The following GALK2 variants were observed in gnomAD, a reference collection of about 807,000 sequenced individuals.
GALK2 encodes N-acetylgalactosamine kinase.
A neutral mutation model predicts 52.4 loss-of-function variants in GALK2; 36 were observed. The observed-to-expected ratio is 0.69, with a 90% confidence interval of 0.53 to 0.91. The LOEUF (loss-of-function observed/expected upper bound fraction) is 0.91, where lower values mean the gene tolerates loss of function less well. Ranked by LOEUF, GALK2 falls within the 40% of genes least tolerant of loss-of-function variation. The pLI is 0.00. For missense variants in GALK2, 579 were observed against 559.1 expected (o/e 1.04, Z -0.36); for synonymous variants, 176 against 199.1 (o/e 0.88, Z 0.98).
At chr15:49,204,813 C>T (rs923974452) in intron 2 of GALK2, among the ~76,000 whole-genome samples, 1 of 152,112 alleles carries the variant, frequency 6.6e-6, no homozygotes, top group Non-Finnish European at 1.5e-5. Flanking sequence ...AAGCAGCATA[C>T]ACTGCACTGT....
At chr15:49,302,398 G>A (rs905026701) in intron 8 of GALK2, among the ~76,000 whole-genome samples, 2 of 152,054 alleles carry the variant, frequency 1.3e-5, no homozygotes, top group African/African-American at 4.8e-5. Flanking sequence ...CTTTATTTAA[G>A]GAACAACTCA....
At chr15:49,174,734 T>G (rs1327422048) in intron 1 of GALK2, among the ~76,000 whole-genome samples, 2 of 152,064 alleles carry the variant, frequency 1.3e-5, no homozygotes, top group African/African-American at 4.8e-5. Context: ...TCTATATATA[T>G]TATAAATATA....
chr15:49,180,282 A>C (rs946446724), intron 1 of GALK2, among the ~76,000 whole-genome samples: 1 of 152,218 alleles, frequency 6.6e-6, no homozygotes, highest in Admixed American at 6.5e-5. Flanking sequence ...TATGATTTTC[A>C]CAGGCAGAAA....
At chr15:49,288,371 A>G (rs1273247293) in intron 7 of GALK2, among the ~76,000 whole-genome samples, 2 of 152,178 alleles carry the variant, frequency 1.3e-5, no homozygotes, top group African/African-American at 4.8e-5. Context: ...TGTTCCTTTG[A>G]CACTTCAAGG....
chr15:49,326,966 T>C (rs1470810951), intron 9 of GALK2: 2 of 152,216 alleles, frequency 1.3e-5, no homozygotes, highest in Non-Finnish European at 2.9e-5. Context: ...AAAATTGTGC[T>C]AAATTAATCA....
At chr15:49,260,031 C>A (rs2092023101) in intron 5 of GALK2, among the ~76,000 whole-genome samples, 1 of 151,314 alleles carries the variant, frequency 6.6e-6, no homozygotes, top group African/African-American at 2.4e-5. Context: ...AATAGTGCCG[C>A]AATAAACATA....
intron 1 of GALK2, chr15:49,156,785 T>A (rs2084470620): frequency 3.3e-6 from 2 of 614,250 alleles, no homozygotes; most frequent in Non-Finnish European, 5.5e-6. Context: ...CCTTCTTAAA[T>A]ATTTTGTTAC....
At chr15:49,367,257 C>G (rs914840376) in intron 3 of GALK2, among the ~76,000 whole-genome samples, 2 of 152,104 alleles carry the variant, frequency 1.3e-5, no homozygotes, top group African/African-American at 4.8e-5. Flanking sequence ...CATGCAAAAT[C>G]ATAGCATTAG....
At chr15:49,191,323 G>GTC (rs371849077) in intron 1 of GALK2, among the ~76,000 whole-genome samples, 10 of 151,352 alleles carry the variant, frequency 6.6e-5, no homozygotes, top group Non-Finnish European at 1.2e-4. Flanking sequence ...TTTGGCTATT[G>GTC]TCTCTCTCTC....
At chr15:49,200,670 C>T (rs1595631436) in intron 1 of GALK2, among the ~76,000 whole-genome samples, 2 of 152,198 alleles carry the variant, frequency 1.3e-5, no homozygotes, top group African/African-American at 2.4e-5. Flanking sequence ...AGAGGTACTA[C>T]TGACCTCTGG....
chr15:49,259,883 A>T (rs574325372), intron 5 of GALK2, among the ~76,000 whole-genome samples: 11 of 151,858 alleles, frequency 7.2e-5, no homozygotes, highest in African/African-American at 2.4e-4. Flanking sequence ...TTCCAGTTTC[A>T]TCCACGTCCC....
intron 5 of GALK2, among the ~76,000 whole-genome samples, chr15:49,264,953 C>G (rs974675384): frequency 1.1e-4 from 16 of 152,094 alleles, no homozygotes; most frequent in Non-Finnish European, 2.1e-4. Context: ...CAGAGGAGTA[C>G]CCAGCCGTGT....
rs114440002 is a variant in GALK2 at position 49,361,545 on chromosome 15, G to A, written c.427-5946G>A. ...AGTTCACTTAGGTTAATGGCCTCCA[G>A]CTCCATTCATATTGCTGCAAAGGAC... On this transcript the variant is annotated intron_variant, in intron 3 of 3. Transcript: ENST00000558399. Among the ~76,000 whole-genome samples the A allele has an allele frequency of 5.6e-3, 859 of 152,154 alleles. 7 individuals are homozygous for A. The highest frequency in any genetic ancestry group is 0.02 in the African/African-American group (819 of 41,502).
chr15:49,217,175 TTC>T lies in GALK2; in HGVS notation c.143-11_143-10del. The T allele has an allele frequency of 6.3e-7, 1 of 1,599,718 alleles. No individual in the cohort carries two copies. Among genetic ancestry groups the T allele is most frequent in the Non-Finnish European group, 8.5e-7 (1 of 1,171,166 alleles). ...TATATTAGCAATGATTAAAAAAGCT[TTC>T]TCTTTTTTCTAGGAGAGCATATAGA... On this transcript the variant is annotated splice_polypyrimidine_tract_variant and intron_variant, in intron 2 of 9. Transcript: ENST00000560031.
In GALK2 at chr15:49,216,628, G is replaced by A. The variant is rs913703504; in HGVS notation, c.143-562G>A. Among the ~76,000 whole-genome samples the A allele has an allele frequency of 3.9e-5, 6 of 152,200 alleles. No homozygotes were observed. In the East Asian group the frequency reaches 1.2e-3, roughly 29 times the overall value. On this transcript the variant is annotated intron_variant, in intron 2 of 9. Coordinates refer to ENST00000560031, the MANE Select transcript of GALK2 (RefSeq NM_002044.4). ...CTGACAGCCACTTAAGCTTATTCTGGGCACTAGGCCAGTTTAGTTAGCCAG... is the reference window on the plus strand; with the variant it reads ...CTGACAGCCACTTAAGCTTATTCTGAGCACTAGGCCAGTTTAGTTAGCCAG...
At chr15:49,230,601 G>A (rs935561266) in intron 3 of GALK2, among the ~76,000 whole-genome samples, 6 of 152,140 alleles carry the variant, frequency 3.9e-5, no homozygotes, top group African/African-American at 1.4e-4. Flanking sequence ...ATTCTTCTGT[G>A]CCTCCGACTT....
intron 5 of GALK2, among the ~76,000 whole-genome samples, chr15:49,265,359 A>C (rs1281619234): frequency 6.6e-6 from 1 of 152,224 alleles, no homozygotes; most frequent in East Asian, 1.9e-4. Context: ...CTCCGTGGGC[A>C]TAGGACCCTC....
intron 1 of GALK2, among the ~76,000 whole-genome samples, chr15:49,181,115 CTCT>C (rs2085938764): frequency 8.2e-6 from 1 of 122,382 alleles, no homozygotes; most frequent in South Asian, 3.1e-4. Context: ...CCCTCATCTC[CTCT>C]TCTTTCTTTT....
At chr15:49,210,842 A>G (rs769150876) in intron 2 of GALK2, among the ~76,000 whole-genome samples, 11 of 151,820 alleles carry the variant, frequency 7.2e-5, no homozygotes, top group Non-Finnish European at 1.6e-4. Context: ...CACTTCCTGG[A>G]CTCAAGTGAT....
Sources: gnomAD v4.1 joint callset for allele counts (sites outside exome capture counted in the v4.1 genomes callset) on GRCh38, gnomAD v4.1.1 for gene constraint, MANE v1.5 for transcripts, NCBI Gene and HGNC (gene_info 2026-07-23, HGNC 2026-07-21) for gene names.